CMIP: variants seen among roughly 807,000 people sequenced by gnomAD.
The protein encoded by CMIP is C-Maf-inducing protein.
A neutral mutation model predicts 97.3 loss-of-function variants in CMIP; 13 were observed. The observed-to-expected ratio is 0.13, with a 90% CI of 0.09 to 0.21. CMIP has a LOEUF of 0.21. Ranked by LOEUF, CMIP falls within the 10% of genes least tolerant of loss-of-function variation. The pLI is 1.00. For synonymous variants in CMIP, 538 were observed against 436.3 expected (o/e 1.23, Z -2.91); for missense variants, 847 against 1,024.9 (o/e 0.83, Z 2.37).
intron 1 of CMIP, among the ~76,000 whole-genome samples, chr16:81,484,668 A>T (rs1294111996): frequency 2.0e-5 from 3 of 152,030 alleles, no homozygotes; most frequent in African/African-American, 7.3e-5. Flanking sequence ...AAGGCCATTG[A>T]TGGGACTCCT....
intron 1 of CMIP, chr16:81,519,419 C>T (rs1034406371): frequency 3.3e-5 from 5 of 152,288 alleles, no homozygotes; most frequent in Non-Finnish European, 7.3e-5. Flanking sequence ...GTCCTGACCC[C>T]TTAACTCAGA....
intron 1 of CMIP, among the ~76,000 whole-genome samples, chr16:81,486,097 C>A (rs955815073): frequency 1.3e-5 from 2 of 152,250 alleles, no homozygotes; most frequent in African/African-American, 4.8e-5. Flanking sequence ...TCACTCTGTT[C>A]TTGGCGTGTT....
At chr16:81,532,437 A>G (rs764585732) in intron 1 of CMIP, among the ~76,000 whole-genome samples, 11 of 152,116 alleles carry the variant, frequency 7.2e-5, no homozygotes, top group African/African-American at 1.7e-4. Context: ...AGGCCAATAC[A>G]TTGAGCCCAA....
chr16:81,478,353 C>T (rs1908057042), intron 1 of CMIP, among the ~76,000 whole-genome samples: 1 of 152,182 alleles, frequency 6.6e-6, no homozygotes, highest in East Asian at 1.9e-4. Flanking sequence ...TGCATGGCGC[C>T]AGCAGCTCCT....
chr16:81,515,394 C>T (rs748730792), intron 1 of CMIP, among the ~76,000 whole-genome samples: 3 of 152,126 alleles, frequency 2.0e-5, no homozygotes, highest in East Asian at 1.9e-4. Flanking sequence ...AGGGCACTGA[C>T]GTGTGTGGCG....
chr16:81,467,504 C>G (rs938486313), intron 1 of CMIP, among the ~76,000 whole-genome samples: 2 of 152,026 alleles, frequency 1.3e-5, no homozygotes, highest in African/African-American at 4.8e-5. Flanking sequence ...CAGGTTTGGT[C>G]TGGAAAAAAG....
chr16:81,448,360 A>G lies in CMIP; in HGVS notation c.300+2819A>G, dbSNP rs552871224. Reference sequence around the variant, plus strand: ...TTTGCAGTCTGTTTCCATTGATCCAATTAACCGAATCTGAGAGATTTAAGA... The same window carrying G: ...TTTGCAGTCTGTTTCCATTGATCCAGTTAACCGAATCTGAGAGATTTAAGA... On this transcript the variant is annotated intron_variant, in intron 1 of 20. Coordinates refer to ENST00000537098, the MANE Select transcript of CMIP (RefSeq NM_198390.3). Among the ~76,000 whole-genome samples the G allele has an allele frequency of 1.9e-4, 29 of 152,330 alleles. No homozygotes were observed. In the South Asian group the frequency reaches 4.8e-3, roughly 25 times the overall value.
rs73596462 is a variant in CMIP at position 81,566,354 on chromosome 16, T to C, written c.301-41213T>C. Among the ~76,000 whole-genome samples, 429 of 152,348 alleles carry C rather than the reference T, an allele frequency of 2.8e-3. 6 individuals are homozygous for C. The highest frequency in any genetic ancestry group is 9.9e-3 in the African/African-American group (410 of 41,590). On this transcript the variant is annotated intron_variant, in intron 1 of 20. Coordinates refer to ENST00000537098, the MANE Select transcript of CMIP (RefSeq NM_198390.3). ...GGTTCCTTGCTGTTCTTTCAGACAG[T>C]GAAGGAGCCTTCCTCCCTCACTGCT...
At chr16:81,496,512 CAA>C (rs574798506) in intron 1 of CMIP, among the ~76,000 whole-genome samples, 31 of 152,182 alleles carry the variant, frequency 2.0e-4, no homozygotes, top group Non-Finnish European at 3.8e-4. Flanking sequence ...CAGCAAGGAT[CAA>C]ATCAGATTTA....
chr16:81,645,580 G>A (rs773847875), intron 3 of CMIP: 30 of 1,535,922 alleles, frequency 2.0e-5, no homozygotes, highest in Non-Finnish European at 2.3e-5. Flanking sequence ...TTGCCAGAGC[G>A]ATGGCAAGTG....
rs1407200496 is a variant in CMIP, at chr16:81,668,909, A to G, written c.826-1233A>G. Among the ~76,000 whole-genome samples the G allele has an allele frequency of 1.2e-4, 9 of 75,128 alleles. No individual in the cohort carries two copies. The East Asian group carries it at 2.3e-3, about 20-fold the overall frequency. The allele number at this position is 75,128 out of a possible 152,430, so 49.3% of individuals were successfully genotyped here. A position where few individuals can be genotyped will look rare whatever the true frequency, so the allele number is the denominator to read the frequency against. On this transcript the variant is annotated intron_variant, in intron 7 of 20. Coordinates refer to ENST00000537098, the MANE Select transcript of CMIP (RefSeq NM_198390.3). The stretch of plus-strand genomic sequence containing the variant: ...CTTCCGTACCCACCTCACACCTTCC[A>G]CACCCACCTCACACTCACGGCCTTC...
chr16:81,488,770 G>A (rs2089360575), intron 1 of CMIP, among the ~76,000 whole-genome samples: 1 of 152,152 alleles, frequency 6.6e-6, no homozygotes, highest in Admixed American at 6.5e-5. Context: ...CACAGCTCCT[G>A]GCTCTTCGCT....
intron 1 of CMIP, among the ~76,000 whole-genome samples, chr16:81,606,524 G>A (rs1325779031): frequency 2.0e-5 from 3 of 152,166 alleles, no homozygotes; most frequent in Non-Finnish European, 4.4e-5. Flanking sequence ...CACTCAGAGA[G>A]TGGTGGGTGG....
intron 1 of CMIP, among the ~76,000 whole-genome samples, chr16:81,450,958 T>C (rs1171465950): frequency 6.6e-6 from 1 of 152,218 alleles, no homozygotes; most frequent in Non-Finnish European, 1.5e-5. Context: ...GGTTCTTCAC[T>C]GGACAGTATA....
At chr16:81,492,517 G>C (rs1257250660) in intron 1 of CMIP, among the ~76,000 whole-genome samples, 2 of 152,146 alleles carry the variant, frequency 1.3e-5, no homozygotes, top group Non-Finnish European at 2.9e-5. Context: ...GAGCAGGGAG[G>C]GGTTTCAGTG....
At chr16:81,555,087 C>A (rs1253733471) in intron 1 of CMIP, among the ~76,000 whole-genome samples, 11 of 152,194 alleles carry the variant, frequency 7.2e-5, no homozygotes, top group Non-Finnish European at 1.5e-5. Flanking sequence ...AGGGAACTTT[C>A]CCACACACGC....
intron 1 of CMIP, among the ~76,000 whole-genome samples, chr16:81,537,498 G>A (rs1439948693): frequency 2.3e-5 from 3 of 131,358 alleles, no homozygotes; most frequent in Non-Finnish European, 3.1e-5. Context: ...TTGCACCACC[G>A]TACTCCAGCT....
chr16:81,536,805 A>T (rs973485646), intron 1 of CMIP, among the ~76,000 whole-genome samples: 2 of 151,904 alleles, frequency 1.3e-5, no homozygotes, highest in Non-Finnish European at 2.9e-5. Context: ...CGTCACATAC[A>T]TCCGGAAGCA....
chr16:81,485,996 C>A (rs764448008), intron 1 of CMIP, among the ~76,000 whole-genome samples: 1 of 152,202 alleles, frequency 6.6e-6, no homozygotes, highest in South Asian at 2.1e-4. Flanking sequence ...AGCTCCCAGA[C>A]CTACTGCGGA....
Sources: allele counts gnomAD v4.1 joint callset (sites outside exome capture counted in the v4.1 genomes callset), GRCh38; gene constraint gnomAD v4.1.1; transcripts MANE v1.5; gene names NCBI Gene and HGNC (gene_info 2026-07-23, HGNC 2026-07-21).